The following SP100 variants were observed in gnomAD, a reference collection of about 807,000 sequenced individuals.
The protein encoded by SP100 is SP100 nuclear body protein.
In SP100, 84 loss-of-function variants were observed where a neutral mutation model predicts 130.0. The observed-to-expected ratio is 0.65, with a 90% CI of 0.54 to 0.77. The LOEUF (loss-of-function observed/expected upper bound fraction) is 0.77, where lower values mean the gene tolerates loss of function less well. Ranked by LOEUF, SP100 falls within the 30% of genes least tolerant of loss-of-function variation. The pLI is 0.00. For synonymous variants in SP100, 331 were observed against 351.7 expected (o/e 0.94, Z 0.66); for missense variants, 978 against 1,052.2 (o/e 0.93, Z 0.97).
At position 230,443,049 on chromosome 2, in the gene SP100, T is replaced by C. The variant is rs1229168417; in HGVS notation, c.220T>C (p.Phe74Leu). The C allele has an allele frequency of 6.2e-7, 1 of 1,614,030 alleles. No individual in the cohort carries two copies. The highest frequency in any genetic ancestry group is 2.2e-5 in the East Asian group (1 of 44,882). The change falls in exon 3 of 29, where the codon TTC becomes CTC. Residue 74 changes from phenylalanine (F) to leucine (L), a missense_variant. Coordinates refer to ENST00000340126, the MANE Select transcript of SP100 (RefSeq NM_001080391.2). Reference sequence around the variant, plus strand: ...AAATGCAATAAAAAAGACATTTCCATTCCTCGAGGGCCTCCGTGATCGTGA... The same window carrying C: ...AAATGCAATAAAAAAGACATTTCCACTCCTCGAGGGCCTCCGTGATCGTGA... Reference protein sequence around the residue: ...ISNAIKKTFPFLEGLRDRDLI... With the variant: ...ISNAIKKTFPLLEGLRDRDLI...
intron 19 of SP100, among the ~76,000 whole-genome samples, chr2:230,501,395 A>G (rs951364001): frequency 1.3e-5 from 2 of 152,238 alleles, no homozygotes; most frequent in African/African-American, 4.8e-5. Context: ...TGTGCGGTAG[A>G]GCATGCTTTT....
At chr2:230,484,390 T>C (rs2065969128) in intron 17 of SP100, among the ~76,000 whole-genome samples, 1 of 152,238 alleles carries the variant, frequency 6.6e-6, no homozygotes, top group Non-Finnish European at 1.5e-5. Flanking sequence ...TAATGAAGAT[T>C]GTGTGCCAAT....
intron 17 of SP100, 69 bp from the exon 18 acceptor site, chr2:230,494,347 T>G: frequency 8.6e-7 from 1 of 1,168,156 alleles, no homozygotes; most frequent in Non-Finnish European, 1.3e-6. Context: ...TGTAAACTAT[T>G]GACATATAAA....
chr2:230,478,639 C>T (rs949554052), intron 17 of SP100, among the ~76,000 whole-genome samples: 7 of 152,124 alleles, frequency 4.6e-5, no homozygotes, highest in African/African-American at 1.7e-4. Context: ...AGGGGCCTTT[C>T]CTTTCATCTC....
rs769151070 is a variant in SP100, at chr2:230,461,408, A to G, written c.967A>G (p.Ile323Val). 1.2e-5 allele frequency: 19 copies of G among 1,613,992 alleles called. No homozygotes were observed. In the Middle Eastern group the frequency reaches 4.9e-4, roughly 42 times the overall value. Residue 323 changes from isoleucine to valine, a missense_variant, in exon 9 of 29, where the codon ATA becomes GTA. Coordinates refer to ENST00000340126, the MANE Select transcript of SP100 (RefSeq NM_001080391.2). ...ARTHHNQASD[I>V]IVISSEDSEG... ...AACTCATCATAACCAGGCATCTGAC[A>G]TAATAGGTAAGGCTGACTGGGAGAG...
chr2:230,479,989 T>C (rs935774725), intron 17 of SP100, among the ~76,000 whole-genome samples: 4 of 152,212 alleles, frequency 2.6e-5, no homozygotes, highest in African/African-American at 9.6e-5. Context: ...AATGCTGACT[T>C]ATGAGAAGTT....
intron 8 of SP100, among the ~76,000 whole-genome samples, chr2:230,454,144 CCT>C (rs2149939028): frequency 6.6e-6 from 1 of 152,142 alleles, no homozygotes; most frequent in African/African-American, 2.4e-5. Context: ...GGTAGTGTCT[CCT>C]CTTTCATTTC....
chr2:230,473,366 T>C lies in SP100; in HGVS notation c.1472T>C (p.Val491Ala). The change falls in exon 16 of 29, where the codon GTC becomes GCC. Residue 491 changes from valine to alanine, a missense_variant. Coordinates refer to ENST00000340126, the MANE Select transcript of SP100 (RefSeq NM_001080391.2). Reference sequence around the variant, plus strand: ...CCTGAAAATAAGAAGTGCTCCTGTGTCATGTGTTTTCCAAAAGGTGTGCCA... The same window carrying C: ...CCTGAAAATAAGAAGTGCTCCTGTGCCATGTGTTTTCCAAAAGGTGTGCCA... ...QEPENKKCSC[V>A]MCFPKGVPRS... The C allele has an allele frequency of 6.2e-7, 1 of 1,613,990 alleles. No individual in the cohort carries two copies. The highest frequency in any genetic ancestry group is 2.2e-5 in the East Asian group (1 of 44,884).
chr2:230,526,376 A>G (rs1365621929), intron 24 of SP100, among the ~76,000 whole-genome samples: 1 of 152,172 alleles, frequency 6.6e-6, no homozygotes, highest in African/African-American at 2.4e-5. Context: ...AATATCAACA[A>G]AAAGGACATC....
intron 8 of SP100, among the ~76,000 whole-genome samples, chr2:230,453,848 T>G (rs1360448989): frequency 6.6e-6 from 1 of 152,216 alleles, no homozygotes; most frequent in East Asian, 1.9e-4. Flanking sequence ...TATTCAATTT[T>G]TAAGAAGAGT....
chr2:230,475,618 T>C (rs188230366), intron 17 of SP100, among the ~76,000 whole-genome samples: 1 of 152,344 alleles, frequency 6.6e-6, no homozygotes, highest in Admixed American at 6.5e-5. Flanking sequence ...TGCCAAAGCC[T>C]ATGTCAGGAA....
chr2:230,467,241 G>A, intron 13 of SP100, 26 bp downstream of exon 13: 1 of 1,525,298 alleles, frequency 6.6e-7, no homozygotes, highest in African/African-American at 1.4e-5. Flanking sequence ...TTGACTTCAG[G>A]GCTCTGACTT....
At chr2:230,485,892 A>G (rs1474243861) in intron 17 of SP100, among the ~76,000 whole-genome samples, 2 of 152,164 alleles carry the variant, frequency 1.3e-5, no homozygotes, top group Middle Eastern at 3.2e-3. Context: ...TTAAAAGTCA[A>G]CACTCTGCAT....
At chr2:230,429,684 A>G (rs2063042271) in intron 2 of SP100, among the ~76,000 whole-genome samples, 1 of 152,050 alleles carries the variant, frequency 6.6e-6, no homozygotes, top group Non-Finnish European at 1.5e-5. Flanking sequence ...AGTAAATAAT[A>G]TCAAATGACC....
chr2:230,448,348 T>G (rs1199363852), intron 5 of SP100, among the ~76,000 whole-genome samples: 3 of 152,200 alleles, frequency 2.0e-5, no homozygotes, highest in Non-Finnish European at 4.4e-5. Context: ...GAACATCTAC[T>G]CTGTGGCGGT....
At chr2:230,509,388 C>T (rs1690405981) in intron 23 of SP100, 1 of 151,370 alleles carries the variant, frequency 6.6e-6, no homozygotes, top group Admixed American at 6.6e-5. Flanking sequence ...GCTCCACTGG[C>T]TTTATGACTA....
At chr2:230,456,430 C>A (rs185312185) in intron 8 of SP100, among the ~76,000 whole-genome samples, 1 of 152,260 alleles carries the variant, frequency 6.6e-6, no homozygotes, top group African/African-American at 2.4e-5. Flanking sequence ...CATTGACCTT[C>A]TTGTACCTGG....
At chr2:230,512,276 C>CTTTTTTTT (rs34753799) in intron 24 of SP100, among the ~76,000 whole-genome samples, 4 of 76,068 alleles carry the variant, frequency 5.3e-5, no homozygotes, top group Admixed American at 1.9e-4. Context: ...ATTGAAATGC[C>CTTTTTTTT]TTTTTTTTTT....
intron 6 of SP100, 44 bp downstream of exon 6, chr2:230,449,194 C>T (rs763865614): frequency 1.2e-6 from 2 of 1,605,634 alleles, no homozygotes; most frequent in Non-Finnish European, 8.5e-7. Context: ...CTATTCTTGC[C>T]CCTTTCTGGA....
Sources: gnomAD v4.1 joint callset for allele counts (sites outside exome capture counted in the v4.1 genomes callset) on GRCh38, gnomAD v4.1.1 for gene constraint, MANE v1.5 for transcripts, NCBI Gene and HGNC (gene_info 2026-07-23, HGNC 2026-07-21) for gene names.